LDB2: variants seen among roughly 807,000 people sequenced by gnomAD.
LDB2 encodes LIM domain binding 2.
In LDB2, 12 loss-of-function variants were observed where a neutral mutation model predicts 44.3. That is an observed-to-expected ratio of 0.27 (90% confidence interval 0.17 to 0.44). LDB2 has a LOEUF of 0.44. Among genes scored for constraint, LDB2 ranks in the 20% least tolerant of loss-of-function variants. The pLI is 1.00. For synonymous variants in LDB2, 164 were observed against 174.8 expected (o/e 0.94, Z 0.49); for missense variants, 344 against 473.5 (o/e 0.73, Z 2.54).
At chr4:16,590,585 G>A (rs1718591286) in intron 3 of LDB2, among the ~76,000 whole-genome samples, 1 of 152,218 alleles carries the variant, frequency 6.6e-6, no homozygotes, top group Non-Finnish European at 1.5e-5. Context: ...TCAAATGCCA[G>A]TACAGGAGAA....
At chr4:16,725,970 T>C (rs1759361560) in intron 2 of LDB2, among the ~76,000 whole-genome samples, 1 of 148,896 alleles carries the variant, frequency 6.7e-6, no homozygotes, top group Admixed American at 6.7e-5. Context: ...TTTATGATAT[T>C]AGTACATAAA....
intron 2 of LDB2, among the ~76,000 whole-genome samples, chr4:16,654,265 T>A (rs1217021492): frequency 6.6e-6 from 1 of 152,112 alleles, no homozygotes. Flanking sequence ...TGGAGTTGAT[T>A]TTTCCCTCCC....
intron 5 of LDB2, among the ~76,000 whole-genome samples, chr4:16,561,337 A>G (rs558814862): frequency 1.3e-5 from 2 of 152,266 alleles, no homozygotes; most frequent in South Asian, 4.2e-4. Flanking sequence ...TCAGCTGAAA[A>G]TCTCCTTAAG....
intron 1 of LDB2, among the ~76,000 whole-genome samples, chr4:16,762,840 A>G (rs1201313301): frequency 6.6e-6 from 1 of 152,148 alleles, no homozygotes; most frequent in Non-Finnish European, 1.5e-5. Context: ...TCACCGGGAG[A>G]AAAGAAAGTA....
At chr4:16,888,450 T>C (rs1327316518) in intron 1 of LDB2, among the ~76,000 whole-genome samples, 43 of 152,170 alleles carry the variant, frequency 2.8e-4, no homozygotes, top group Admixed American at 2.7e-3. Context: ...GTGACTACTC[T>C]GCCATTCCTC....
chr4:16,828,402 C>T (rs1783448438), intron 1 of LDB2, among the ~76,000 whole-genome samples: 1 of 152,084 alleles, frequency 6.6e-6, no homozygotes, highest in African/African-American at 2.4e-5. Flanking sequence ...CATTTCCTTC[C>T]ACCTCCTCCA....
intron 2 of LDB2, among the ~76,000 whole-genome samples, chr4:16,716,723 T>C (rs1158663128): frequency 6.6e-6 from 1 of 152,116 alleles, no homozygotes; most frequent in Admixed American, 6.6e-5. Flanking sequence ...TCCCATCCCA[T>C]ACCGTACCCT....
At chr4:16,551,352 CTG>C (rs1373912679) in intron 5 of LDB2, among the ~76,000 whole-genome samples, 4 of 152,142 alleles carry the variant, frequency 2.6e-5, no homozygotes. Context: ...TGTATCTTAA[CTG>C]TGGAAACTGC....
At chr4:16,857,291 C>T (rs1452342506) in intron 1 of LDB2, among the ~76,000 whole-genome samples, 1 of 152,192 alleles carries the variant, frequency 6.6e-6, no homozygotes. Flanking sequence ...TTTTATTCCT[C>T]ACTGTCTGTG....
intron 2 of LDB2, among the ~76,000 whole-genome samples, chr4:16,659,671 G>GTGTGTGTGTATATATATATATATATA (rs1315288524): frequency 3.7e-5 from 5 of 133,518 alleles, no homozygotes; most frequent in Non-Finnish European, 6.3e-5. Context: ...ATCTATGTGT[G>GTGTGTGTGTATATATATATATATATA]TATATATATA....
At chr4:16,795,548 A>G (rs1195315070) in intron 1 of LDB2, among the ~76,000 whole-genome samples, 1 of 152,092 alleles carries the variant, frequency 6.6e-6, no homozygotes, top group Non-Finnish European at 1.5e-5. Flanking sequence ...ACAGCATTTG[A>G]GGTGGTTCAC....
chr4:16,730,495 T>A (rs1425777740), intron 2 of LDB2, among the ~76,000 whole-genome samples: 1 of 152,160 alleles, frequency 6.6e-6, no homozygotes, highest in East Asian at 1.9e-4. Flanking sequence ...TACAGATTTT[T>A]AAAAAATAAT....
intron 1 of LDB2, among the ~76,000 whole-genome samples, chr4:16,804,387 G>A (rs913552631): frequency 6.6e-6 from 1 of 152,186 alleles, no homozygotes; most frequent in East Asian, 1.9e-4. Context: ...GGGTAAATGA[G>A]ATGCAAAATG....
chr4:16,656,638 T>C (rs984458121), intron 2 of LDB2, among the ~76,000 whole-genome samples: 4 of 152,250 alleles, frequency 2.6e-5, no homozygotes, highest in African/African-American at 9.6e-5. Flanking sequence ...TTTCATTACA[T>C]AAGATGTTAT....
At chr4:16,694,166 A>C (rs1197350056) in intron 2 of LDB2, among the ~76,000 whole-genome samples, 2 of 152,230 alleles carry the variant, frequency 1.3e-5, no homozygotes, top group Non-Finnish European at 2.9e-5. Flanking sequence ...AAGCTTCTTC[A>C]GTTGGGATTT....
intron 1 of LDB2, among the ~76,000 whole-genome samples, chr4:16,812,582 TTATATATATATATA>T (rs6148319): frequency 0.092 from 10,676 of 115,554 alleles, 932 homozygotes; most frequent in East Asian, 0.39. Flanking sequence ...ATCAATGAAA[TTATATATATATATA>T]TATATATATA....
intron 2 of LDB2, among the ~76,000 whole-genome samples, chr4:16,685,455 C>G (rs1454191037): frequency 6.6e-6 from 1 of 151,946 alleles, no homozygotes; most frequent in Non-Finnish European, 1.5e-5. Flanking sequence ...CTAGAAAAAA[C>G]CTTTGACTTG....
At chr4:16,690,803 A>G (rs1325891344) in intron 2 of LDB2, among the ~76,000 whole-genome samples, 1 of 152,142 alleles carries the variant, frequency 6.6e-6, no homozygotes, top group Non-Finnish European at 1.5e-5. Context: ...ATTTAAGTCA[A>G]ACTGTGGTAA....
Position 16,647,748 on chromosome 4 carries a change from A to G in LDB2, c.236-51873T>C, listed in dbSNP as rs76881600. ...TTCCCACTGACTCCATGTCTTTGCC[A>G]TGTCACTCCCTCTTTCCGACACCAT... On this transcript the variant is annotated intron_variant, in intron 2 of 7. Transcript: ENST00000304523. 6.4e-3 allele frequency among the ~76,000 whole-genome samples: 967 copies of G among 152,238 alleles called. 2 individuals are homozygous for G. The highest frequency in any genetic ancestry group is 0.014 in the South Asian group (67 of 4,808).
Sources: gnomAD v4.1 joint callset for allele counts (sites outside exome capture counted in the v4.1 genomes callset) on GRCh38, gnomAD v4.1.1 for gene constraint, MANE v1.5 for transcripts, NCBI Gene and HGNC (gene_info 2026-07-23, HGNC 2026-07-21) for gene names.